Variants in CWC27 observed in about 807,000 individuals in gnomAD.
CWC27 encodes spliceosome-associated protein CWC27 homolog.
CWC27 carries 47 observed loss-of-function variants against 63.6 expected under a neutral mutation model. The ratio of observed to expected loss-of-function variants is 0.74; its 90% CI spans 0.58 to 0.94. The LOEUF is 0.94. Among genes scored for constraint, CWC27 ranks in the 40% least tolerant of loss-of-function variants. The probability of loss-of-function intolerance (pLI) is 0.00; values close to 1 mark genes in which losing one functional copy is unlikely to be tolerated. For missense variants in CWC27, 495 were observed against 554.3 expected (o/e 0.89, Z 1.07); for synonymous variants, 175 against 179.8 (o/e 0.97, Z 0.22).
At chr5:64,868,801 G>C (rs917426458) in intron 10 of CWC27, among the ~76,000 whole-genome samples, 5 of 151,726 alleles carry the variant, frequency 3.3e-5, no homozygotes, top group Non-Finnish European at 7.4e-5. Context: ...TGTATTTTTT[G>C]TAGTTCTAGT....
chr5:64,806,257 A>G (rs2112219019), intron 10 of CWC27, among the ~76,000 whole-genome samples: 1 of 152,320 alleles, frequency 6.6e-6, no homozygotes, highest in South Asian at 2.1e-4. Context: ...GTTATATTCA[A>G]GTGCATTGCA....
intron 13 of CWC27, among the ~76,000 whole-genome samples, chr5:64,978,005 G>A (rs1405851588): frequency 6.6e-6 from 1 of 152,030 alleles, no homozygotes; most frequent in African/African-American, 2.4e-5. Flanking sequence ...TGGAGCCTCT[G>A]AACCATCACA....
intron 11 of CWC27, among the ~76,000 whole-genome samples, chr5:64,904,247 A>G (rs1443356235): frequency 6.6e-6 from 1 of 152,218 alleles, no homozygotes; most frequent in African/African-American, 2.4e-5. Flanking sequence ...AAAATTCTGT[A>G]TTAGTTACCT....
At chr5:64,989,424 A>G (rs1749494585) in intron 13 of CWC27, among the ~76,000 whole-genome samples, 1 of 152,158 alleles carries the variant, frequency 6.6e-6, no homozygotes, top group South Asian at 2.1e-4. Context: ...GCATGAGCAA[A>G]TTTTTTTCTT....
intron 11 of CWC27, among the ~76,000 whole-genome samples, chr5:64,898,052 A>G (rs1447784173): frequency 6.6e-6 from 1 of 152,214 alleles, no homozygotes; most frequent in Admixed American, 6.5e-5. Flanking sequence ...ATAATGTACA[A>G]AAGGGAATAT....
intron 13 of CWC27, among the ~76,000 whole-genome samples, chr5:65,004,905 TACATAC>T (rs1365338321): frequency 3.1e-5 from 2 of 63,552 alleles, no homozygotes; most frequent in Non-Finnish European, 6.2e-5. Context: ...TATATATATA[TACATAC>T]ACACACACAC....
chr5:64,883,292 C>T (rs1481605276), intron 10 of CWC27, among the ~76,000 whole-genome samples: 1 of 146,288 alleles, frequency 6.8e-6, no homozygotes, highest in Non-Finnish European at 1.5e-5. Flanking sequence ...GGTGGGGATA[C>T]AGCCATACCA....
intron 10 of CWC27, among the ~76,000 whole-genome samples, chr5:64,872,168 TTGAGTTA>T (rs1193461338): frequency 6.6e-6 from 1 of 151,876 alleles, no homozygotes; most frequent in Non-Finnish European, 1.5e-5. Context: ...AAGGATGACT[TTGAGTTA>T]TGAGGAGAAG....
At chr5:64,866,081 C>T (rs746227729) in intron 10 of CWC27, among the ~76,000 whole-genome samples, 22 of 151,952 alleles carry the variant, frequency 1.4e-4, no homozygotes, top group Non-Finnish European at 2.2e-4. Flanking sequence ...CTTGAGAACC[C>T]GTCTGTCAAG....
intron 13 of CWC27, among the ~76,000 whole-genome samples, chr5:64,979,719 A>G (rs1749299882): frequency 6.6e-6 from 1 of 152,174 alleles, no homozygotes; most frequent in Non-Finnish European, 1.5e-5. Flanking sequence ...ATTGTGCTGT[A>G]CTACACTGTC....
intron 10 of CWC27, among the ~76,000 whole-genome samples, chr5:64,839,438 C>T (rs765115523): frequency 6.6e-6 from 1 of 152,140 alleles, no homozygotes. Context: ...GAATAGTTGA[C>T]TTTTGTGAAC....
intron 11 of CWC27, among the ~76,000 whole-genome samples, chr5:64,942,438 T>TAAAAAAAAA (rs35936421): frequency 6.2e-5 from 6 of 96,526 alleles, no homozygotes; most frequent in African/African-American, 2.6e-4. Context: ...CCTATCTCTT[T>TAAAAAAAAA]AAAAAAAAAA....
intron 11 of CWC27, among the ~76,000 whole-genome samples, chr5:64,918,127 T>C (rs549682002): frequency 6.6e-6 from 1 of 152,230 alleles, no homozygotes; most frequent in African/African-American, 2.4e-5. Flanking sequence ...TCAAAAAATA[T>C]AGACACCCCC....
chr5:64,775,262 A>G (rs1743400378), intron 2 of CWC27, among the ~76,000 whole-genome samples: 1 of 152,200 alleles, frequency 6.6e-6, no homozygotes. Context: ...AAACCAGTGT[A>G]AAACCAAATT....
At chr5:64,887,512 A>T (rs1485073603) in intron 11 of CWC27, among the ~76,000 whole-genome samples, 1 of 152,140 alleles carries the variant, frequency 6.6e-6, no homozygotes, top group African/African-American at 2.4e-5. Flanking sequence ...AACTGCAAGC[A>T]TGCACCACCA....
Position 64,769,153 on chromosome 5 carries a change from A to G in CWC27, c.7A>G (p.Asn3Asp). 5 of 1,614,096 alleles carry G rather than the reference A, an allele frequency of 3.1e-6. No individual in the cohort carries two copies. Among genetic ancestry groups the G allele is most frequent in the South Asian group, 2.2e-5 (2 of 91,080 alleles). ...GTCCTTTGTACTGACCAAGATGAGCAACATCTACATCCAGGAGCCTCCCAC... is the reference window on the plus strand; with the variant it reads ...GTCCTTTGTACTGACCAAGATGAGCGACATCTACATCCAGGAGCCTCCCAC... MS[N>D]IYIQEPPTNG... The change falls in exon 1 of 14, where the codon AAC becomes GAC. Residue 3 changes from asparagine (N) to aspartate (D), a missense_variant. Physicochemically the swap from Asn to Asp is conservative, Grantham distance 23. Transcript: ENST00000381070.
chr5:64,807,772 C>T (rs754561429), intron 10 of CWC27: 15 of 1,535,728 alleles, frequency 9.8e-6, no homozygotes, highest in African/African-American at 1.4e-5. Flanking sequence ...ACTCACTCAA[C>T]GGATCACCTG....
Position 64,840,376 on chromosome 5 carries a change from AAAAAAAAAAAAAAAAAAAATATATATAT to A in CWC27, c.938+35992_938+36019del, listed in dbSNP as rs1268291057. Among the ~76,000 whole-genome samples the A allele has an allele frequency of 1.7e-3, 108 of 63,112 alleles. 3 individuals carry two copies. Among genetic ancestry groups the A allele is most frequent in the African/African-American group, 6.1e-3 (89 of 14,504 alleles). 41.4% of individuals were successfully genotyped at this position (63,112 alleles called of 152,430 possible). On this transcript the variant is annotated intron_variant, in intron 10 of 13. Coordinates refer to ENST00000381070, the MANE Select transcript of CWC27 (RefSeq NM_005869.4). ...TCCTTTTTCATTAAAAAAAAAAAAA[AAAAAAAAAAAAAAAAAAAATATATATAT>A]ATATATATATATATATATATATATA... is the stretch of plus-strand genomic sequence containing the variant.
intron 10 of CWC27, among the ~76,000 whole-genome samples, chr5:64,835,510 A>T (rs1051818414): frequency 6.6e-6 from 1 of 151,916 alleles, no homozygotes; most frequent in African/African-American, 2.4e-5. Context: ...ACTTTCCATT[A>T]TGTAAATTAG....
Sources: gnomAD v4.1 joint callset for allele counts (sites outside exome capture counted in the v4.1 genomes callset) on GRCh38, gnomAD v4.1.1 for gene constraint, MANE v1.5 for transcripts, NCBI Gene and HGNC (gene_info 2026-07-23, HGNC 2026-07-21) for gene names.